AOAH: variants seen among roughly 807,000 people sequenced by gnomAD.
The protein encoded by AOAH is acyloxyacyl hydrolase, also known as acyloxyacyl hydrolase (neutrophil).
Under a neutral mutation model 92.2 loss-of-function variants are expected in AOAH, and 64 were observed. That is an observed-to-expected ratio of 0.69 (90% CI 0.57 to 0.86). The LOEUF (loss-of-function observed/expected upper bound fraction) is 0.86. Ranked by LOEUF, AOAH falls within the 40% of genes least tolerant of loss-of-function variation. AOAH has a pLI of 0.00. For synonymous variants in AOAH, 263 were observed against 254.5 expected (o/e 1.03, Z -0.32); for missense variants, 656 against 694.6 (o/e 0.94, Z 0.62).
chr7:36,554,657 C>A (rs1786554678), intron 13 of AOAH, among the ~76,000 whole-genome samples: 1 of 151,652 alleles, frequency 6.6e-6, no homozygotes, highest in Non-Finnish European at 1.5e-5. Context: ...TCTTTTATTT[C>A]ATTGAGCAGT....
chr7:36,558,883 A>C (rs917895840), intron 13 of AOAH, among the ~76,000 whole-genome samples: 4 of 152,288 alleles, frequency 2.6e-5, no homozygotes, highest in Admixed American at 1.3e-4. Flanking sequence ...TCTGTCACCC[A>C]CTTCCTTGAC....
At chr7:36,576,683 T>TGTTTC in intron 12 of AOAH, 27 bp from the exon 13 acceptor site, 8 of 1,252,648 alleles carry the variant, frequency 6.4e-6, no homozygotes, top group Non-Finnish European at 9.0e-6. Context: ...TGTATATATT[T>TGTTTC]AAGGTCAGGA....
intron 1 of AOAH, 77 bp from the exon 2 acceptor site, chr7:36,686,871 C>A: frequency 1.9e-6 from 1 of 519,322 alleles, no homozygotes; most frequent in Non-Finnish European, 3.2e-6. Context: ...AGAAAGGATG[C>A]GTGTGTGTGT....
intron 20 of AOAH, among the ~76,000 whole-genome samples, chr7:36,519,079 C>A (rs1420619168): frequency 6.6e-6 from 1 of 152,220 alleles, no homozygotes; most frequent in Non-Finnish European, 1.5e-5. Context: ...TACCAAATTA[C>A]CCTCCACGCC....
chr7:36,644,261 A>T (rs182783116), intron 4 of AOAH, among the ~76,000 whole-genome samples: 1 of 152,184 alleles, frequency 6.6e-6, no homozygotes, highest in East Asian at 1.9e-4. Context: ...TCCAGATCCA[A>T]TTCAGACCCA....
At chr7:36,587,513 TG>T in intron 12 of AOAH, among the ~76,000 whole-genome samples, 1 of 152,282 alleles carries the variant, frequency 6.6e-6, no homozygotes, top group Non-Finnish European at 1.5e-5. Context: ...TGGCCTGTCT[TG>T]CACTTTTAAT....
At chr7:36,657,204 C>A (rs924579957) in intron 4 of AOAH, among the ~76,000 whole-genome samples, 8 of 152,102 alleles carry the variant, frequency 5.3e-5, no homozygotes, top group Non-Finnish European at 1.2e-4. Flanking sequence ...AGAAGACACC[C>A]CAGGGGAGTT....
At position 36,610,511 on chromosome 7, in the gene AOAH, TAA is replaced by T. The variant is rs70977167; in HGVS notation, c.846+5867_846+5868del. 6.4e-3 allele frequency among the ~76,000 whole-genome samples: 428 copies of T among 66,898 alleles called. 3 individuals carry two copies. The highest frequency in any genetic ancestry group is 0.045 in the East Asian group (115 of 2,570). The allele number at this position is 66,898 out of a possible 152,430, so 43.9% of individuals were successfully genotyped here. ...TGGCTTTATAACTTTTTTTTTTTTT[TAA>T]AAAAAAAGAATATTAAAGAATATTT... is the stretch of plus-strand genomic sequence containing the variant. On this transcript the variant is annotated intron_variant, in intron 11 of 20. Coordinates refer to ENST00000617537, the MANE Select transcript of AOAH (RefSeq NM_001637.4).
intron 2 of AOAH, among the ~76,000 whole-genome samples, chr7:36,677,435 T>C (rs1029988505): frequency 6.6e-6 from 1 of 152,120 alleles, no homozygotes; most frequent in Non-Finnish European, 1.5e-5. Flanking sequence ...GAGAGAATAA[T>C]ATGTGTTGGT....
chr7:36,672,670 G>A (rs890505213), intron 3 of AOAH, among the ~76,000 whole-genome samples: 2 of 152,050 alleles, frequency 1.3e-5, no homozygotes. Flanking sequence ...CCTAATGAAT[G>A]TGGGGCTTAA....
chr7:36,683,124 T>C (rs1033387705), intron 2 of AOAH, among the ~76,000 whole-genome samples: 1 of 152,184 alleles, frequency 6.6e-6, no homozygotes, highest in Non-Finnish European at 1.5e-5. Flanking sequence ...CAAGGTAAAT[T>C]AGATTATCAA....
chr7:36,680,629 TA>T (rs1303648187), intron 2 of AOAH, among the ~76,000 whole-genome samples: 1 of 152,160 alleles, frequency 6.6e-6, no homozygotes, highest in Non-Finnish European at 1.5e-5. Flanking sequence ...ACAACTGACA[TA>T]ACCATTCTGT....
At chr7:36,716,977 T>A (rs1799229857) in intron 1 of AOAH, among the ~76,000 whole-genome samples, 2 of 66,834 alleles carry the variant, frequency 3.0e-5, no homozygotes, top group South Asian at 1.1e-3. Context: ...GTATAATAAA[T>A]AAATAAATAA....
chr7:36,541,705 T>C (rs1785437857), intron 15 of AOAH, among the ~76,000 whole-genome samples: 1 of 152,196 alleles, frequency 6.6e-6, no homozygotes, highest in African/African-American at 2.4e-5. Flanking sequence ...AAAATACAAG[T>C]TGAAATTATT....
chr7:36,697,642 C>G (rs1438809136), intron 1 of AOAH, among the ~76,000 whole-genome samples: 1 of 152,150 alleles, frequency 6.6e-6, no homozygotes, highest in Non-Finnish European at 1.5e-5. Flanking sequence ...ACTAGTGAAG[C>G]CATCTAGGCT....
chr7:36,613,913 T>A (rs2115924472), intron 11 of AOAH, among the ~76,000 whole-genome samples: 1 of 152,342 alleles, frequency 6.6e-6, no homozygotes, highest in East Asian at 1.9e-4. Context: ...CGGATGTGTT[T>A]CCCCACTTGC....
chr7:36,643,218 G>C (rs1484979204), intron 4 of AOAH, among the ~76,000 whole-genome samples: 2 of 152,162 alleles, frequency 1.3e-5, no homozygotes, highest in African/African-American at 4.8e-5. Context: ...GAGGCTCAGA[G>C]AGATGACACA....
At chr7:36,518,397 G>A (rs1397281213) in intron 20 of AOAH, among the ~76,000 whole-genome samples, 1 of 152,006 alleles carries the variant, frequency 6.6e-6, no homozygotes, top group Non-Finnish European at 1.5e-5. Flanking sequence ...TAGTAGATGG[G>A]GTAATTCAGT....
At chr7:36,569,567 A>ATATCTATC (rs56357618) in intron 13 of AOAH, among the ~76,000 whole-genome samples, 2,738 of 143,370 alleles carry the variant, frequency 0.019, 40 homozygotes, top group East Asian at 0.029. Flanking sequence ...CCAGATTTAC[A>ATATCTATC]TATCTATCTA....
Sources: gnomAD v4.1 joint callset for allele counts (sites outside exome capture counted in the v4.1 genomes callset) on GRCh38, gnomAD v4.1.1 for gene constraint, MANE v1.5 for transcripts, NCBI Gene and HGNC (gene_info 2026-07-23, HGNC 2026-07-21) for gene names.